The following FAM53B variants were observed in gnomAD, a reference collection of about 807,000 sequenced individuals.
FAM53B encodes protein FAM53B.
A neutral mutation model predicts 32.7 loss-of-function variants in FAM53B; 12 were observed. The observed-to-expected ratio is 0.37, with a 90% CI of 0.24 to 0.59. FAM53B has a LOEUF of 0.59. Among genes scored for constraint, FAM53B ranks in the 20% least tolerant of loss-of-function variants. The pLI, the probability that FAM53B is intolerant of heterozygous loss-of-function variation, is 0.72. For missense variants in FAM53B, 477 were observed against 577.7 expected, an observed-to-expected ratio of 0.83 and a Z score of 1.79; for synonymous variants, 234 against 228.7, an observed-to-expected ratio of 1.02 and a Z score of -0.21.
chr10:124,654,537 A>G (rs567558967), intron 4 of FAM53B, among the ~76,000 whole-genome samples: 6 of 152,312 alleles, frequency 3.9e-5, no homozygotes, highest in South Asian at 2.1e-4. Context: ...CAGAACAAAG[A>G]AGGAGTTACT....
chr10:124,670,444 C>T (rs1474207340), intron 4 of FAM53B, among the ~76,000 whole-genome samples: 2 of 152,132 alleles, frequency 1.3e-5, no homozygotes, highest in Non-Finnish European at 2.9e-5. Context: ...GCAAAAAGCC[C>T]GCTCCTCACC....
chr10:124,656,940 A>G (rs1160634408), intron 4 of FAM53B, among the ~76,000 whole-genome samples: 3 of 151,830 alleles, frequency 2.0e-5, no homozygotes, highest in South Asian at 4.1e-4. Context: ...CCTAATGTAA[A>G]TGACGAGTTA....
At chr10:124,645,854 G>A (rs561725588) in intron 4 of FAM53B, among the ~76,000 whole-genome samples, 54 of 152,194 alleles carry the variant, frequency 3.5e-4, no homozygotes, top group African/African-American at 1.2e-3. Flanking sequence ...AGCCTGTCCC[G>A]GGGGCAGCAG....
At chr10:124,686,339 C>T (rs1290640679) in intron 3 of FAM53B, among the ~76,000 whole-genome samples, 1 of 152,152 alleles carries the variant, frequency 6.6e-6, no homozygotes, top group Non-Finnish European at 1.5e-5. Flanking sequence ...ACAGAGTAAG[C>T]CTCTAAGGCC....
Position 124,684,259 on chromosome 10 carries a change from C to A in FAM53B, c.134-1880G>T, listed in dbSNP as rs189639913. ...AAGACTGTCGCTAAACATCCAATTT[C>A]TTCATCATACATCGTTCATCTCATC... is the stretch of plus-strand genomic sequence containing the variant. On this transcript the variant is annotated intron_variant, in intron 3 of 4. Coordinates refer to ENST00000337318, the MANE Select transcript of FAM53B (RefSeq NM_014661.4). 1.5e-4 allele frequency among the ~76,000 whole-genome samples: 23 copies of A among 152,370 alleles called. No homozygotes were observed. The East Asian group carries it at 4.0e-3, about 27-fold the overall frequency.
chr10:124,700,381 G>A (rs1424192262), intron 2 of FAM53B, among the ~76,000 whole-genome samples: 4 of 149,288 alleles, frequency 2.7e-5, no homozygotes, highest in African/African-American at 9.7e-5. Flanking sequence ...ACCAGGCCGA[G>A]GGAACCCCTC....
intron 4 of FAM53B, among the ~76,000 whole-genome samples, chr10:124,664,391 C>T (rs1408546166): frequency 6.6e-6 from 1 of 152,244 alleles, no homozygotes; most frequent in East Asian, 1.9e-4. Context: ...TGCACCCTGG[C>T]ATGCTGCTCG....
At chr10:124,680,780 G>A (rs532953322) in intron 4 of FAM53B, among the ~76,000 whole-genome samples, 13 of 152,162 alleles carry the variant, frequency 8.5e-5, no homozygotes, top group Admixed American at 1.3e-4. Flanking sequence ...TGGCCTCCTG[G>A]ATGAACACAG....
intron 4 of FAM53B, chr10:124,667,518 C>T: frequency 1.4e-6 from 1 of 711,176 alleles, no homozygotes; most frequent in East Asian, 2.7e-5. Flanking sequence ...TGGCACTCCA[C>T]CTGTGTGGTC....
chr10:124,696,327 C>T (rs1475328425), intron 2 of FAM53B, 115 bp from the exon 3 acceptor site: 1 of 900,812 alleles, frequency 1.1e-6, no homozygotes, highest in Admixed American at 2.0e-5. Flanking sequence ...TTGCCAATGT[C>T]AGATCAGGGA....
At chr10:124,659,984 T>TGTA (rs1949618661) in intron 4 of FAM53B, among the ~76,000 whole-genome samples, 1 of 152,224 alleles carries the variant, frequency 6.6e-6, no homozygotes, top group African/African-American at 2.4e-5. Flanking sequence ...TTTTTGTATT[T>TGTA]GTAGTATAGA....
Position 124,671,693 on chromosome 10 carries a change from C to G in FAM53B, c.906+9914G>C, listed in dbSNP as rs535299561. On this transcript the variant is annotated intron_variant, in intron 4 of 4. Transcript: ENST00000337318. ...TCTGGTGACACATTACTGATGTGAG[C>G]TCGCGTTACTGCTCACAAACTAAGC... Among the ~76,000 whole-genome samples, 7 of 152,282 alleles carry G rather than the reference C, an allele frequency of 4.6e-5. No homozygotes were observed. In the East Asian group the frequency reaches 1.4e-3, roughly 29 times the overall value.
chr10:124,621,792 G>C lies in FAM53B; in HGVS notation c.*1450C>G, dbSNP rs966909652. ...AGCAAAGTGACTACAAAAGTGCTTT[G>C]AACGCGCGTGTCAGCCAACACAAGG... On this transcript the variant is annotated 3_prime_UTR_variant, in exon 5 of 5. Coordinates refer to ENST00000337318, the MANE Select transcript of FAM53B (RefSeq NM_014661.4). 1.3e-5 allele frequency: 2 copies of C among 152,282 alleles called. No homozygotes were observed. Among genetic ancestry groups the C allele is most frequent in the Non-Finnish European group, 2.9e-5 (2 of 68,048 alleles). The allele number at this position is 152,282 out of a possible 1,614,324, so 9.4% of individuals were successfully genotyped here.
intron 4 of FAM53B, chr10:124,671,194 C>T (rs944683939): frequency 1.1e-5 from 5 of 453,464 alleles, no homozygotes; most frequent in East Asian, 1.4e-4. Flanking sequence ...GCAGTTGCTT[C>T]CCATTTGCTG....
chr10:124,708,964 G>A (rs115547317), intron 1 of FAM53B, among the ~76,000 whole-genome samples: 7,655 of 152,226 alleles, frequency 0.05, 632 homozygotes, highest in African/African-American at 0.17. Context: ...TTCCCTCTCT[G>A]TACAACAGGG....
intron 1 of FAM53B, among the ~76,000 whole-genome samples, chr10:124,739,363 AGCCCAGG>A (rs959527246): frequency 6.6e-6 from 1 of 152,278 alleles, no homozygotes; most frequent in African/African-American, 2.4e-5. Context: ...GTGTATACAA[AGCCCAGG>A]GCCCAGGGTG....
At chr10:124,663,158 T>C (rs928139782) in intron 4 of FAM53B, among the ~76,000 whole-genome samples, 6 of 152,198 alleles carry the variant, frequency 3.9e-5, no homozygotes, top group African/African-American at 1.4e-4. Context: ...CAGAGCCTCA[T>C]CCCTGCCTCT....
chr10:124,688,438 T>C (rs116323701), intron 3 of FAM53B, among the ~76,000 whole-genome samples: 216 of 152,350 alleles, frequency 1.4e-3, no homozygotes, highest in African/African-American at 4.9e-3. Context: ...TGTGCATTTG[T>C]GTGTAGCGTA....
chr10:124,695,757 A>C (rs1017738851), intron 3 of FAM53B, among the ~76,000 whole-genome samples: 5 of 152,260 alleles, frequency 3.3e-5, no homozygotes, highest in Non-Finnish European at 4.4e-5. Context: ...ATAGTTTTAC[A>C]TAATTATATG....
Sources: gnomAD v4.1 joint callset for allele counts (sites outside exome capture counted in the v4.1 genomes callset) on GRCh38, gnomAD v4.1.1 for gene constraint, MANE v1.5 for transcripts, NCBI Gene and HGNC (gene_info 2026-07-23, HGNC 2026-07-21) for gene names.